Variants in SRGAP2C observed in about 807,000 individuals in gnomAD.
SRGAP2C encodes the protein SLIT-ROBO Rho GTPase activating protein 2C, also known as SLIT-ROBO Rho GTPase-activating protein 2C.
In SRGAP2C, 15 loss-of-function variants were observed where a neutral mutation model predicts 25.1. That is an observed-to-expected ratio of 0.60 (90% CI 0.40 to 0.92). The LOEUF (loss-of-function observed/expected upper bound fraction) is 0.92. Ranked by LOEUF, SRGAP2C falls within the 40% of genes least tolerant of loss-of-function variation. SRGAP2C has a pLI of 0.00. For synonymous variants in SRGAP2C, 44 were observed against 96.6 expected (o/e 0.46, Z 3.19); for missense variants, 144 against 264.4 (o/e 0.54, Z 3.16).
intron 3 of SRGAP2C, among the ~76,000 whole-genome samples, chr1:121,304,892 A>G (rs1302053485): frequency 6.6e-6 from 1 of 151,904 alleles, no homozygotes; most frequent in Non-Finnish European, 1.5e-5. Flanking sequence ...CCTCTCCGGA[A>G]TGGGGTCTTG....
chr1:121,298,258 A>G (rs1657638483), intron 3 of SRGAP2C, among the ~76,000 whole-genome samples: 1 of 151,938 alleles, frequency 6.6e-6, no homozygotes, highest in African/African-American at 2.4e-5. Context: ...ATAATCATGA[A>G]GAGGAAGACA....
chr1:121,218,766 G>A (rs1291594542), intron 2 of SRGAP2C, among the ~76,000 whole-genome samples: 6 of 151,924 alleles, frequency 3.9e-5, no homozygotes, highest in Non-Finnish European at 7.4e-5. Flanking sequence ...AAAAAAAAGT[G>A]AATGTACACG....
intron 5 of SRGAP2C, among the ~76,000 whole-genome samples, chr1:121,372,259 A>AC (rs1467096496): frequency 1.2e-4 from 18 of 152,136 alleles, no homozygotes; most frequent in Non-Finnish European, 2.5e-4. Flanking sequence ...AGATTAGTAT[A>AC]CCCACAAAGT....
chr1:121,378,758 A>G (rs1159081318), intron 7 of SRGAP2C, among the ~76,000 whole-genome samples: 7 of 152,050 alleles, frequency 4.6e-5, no homozygotes, highest in South Asian at 2.1e-4. Flanking sequence ...TCTGAAGCCA[A>G]ATGTGTGCAT....
chr1:121,327,644 CT>C (rs1371927404), intron 4 of SRGAP2C, among the ~76,000 whole-genome samples: 1 of 149,458 alleles, frequency 6.7e-6, no homozygotes, highest in Non-Finnish European at 1.5e-5. Flanking sequence ...AACAAACATT[CT>C]TCATACCACA....
chr1:121,345,686 C>G (rs1402966058), intron 4 of SRGAP2C, among the ~76,000 whole-genome samples: 2 of 105,678 alleles, frequency 1.9e-5, no homozygotes, highest in East Asian at 3.1e-4. Context: ...GAGTTTTGCT[C>G]TTGTTGCCCA....
At chr1:121,271,533 G>A (rs1364417446) in intron 2 of SRGAP2C, among the ~76,000 whole-genome samples, 1 of 151,756 alleles carries the variant, frequency 6.6e-6, no homozygotes, top group African/African-American at 2.4e-5. Context: ...AGAAGGAGCT[G>A]AGTGGTTTGA....
intron 4 of SRGAP2C, among the ~76,000 whole-genome samples, chr1:121,345,692 G>T (rs1658727071): frequency 1.1e-5 from 1 of 94,072 alleles, no homozygotes. Context: ...TGCTCTTGTT[G>T]CCCAGGCTGG....
intron 2 of SRGAP2C, among the ~76,000 whole-genome samples, chr1:121,210,312 C>A (rs1482654441): frequency 1.2e-5 from 1 of 83,684 alleles, no homozygotes; most frequent in African/African-American, 5.8e-5. Context: ...ATTCCATCAG[C>A]GCTTTAAAAA....
intron 2 of SRGAP2C, among the ~76,000 whole-genome samples, chr1:121,207,928 A>G (rs1315106962): frequency 2.6e-5 from 4 of 152,190 alleles, no homozygotes; most frequent in South Asian, 2.1e-4. Flanking sequence ...GTTTGGTAGA[A>G]AAAAGACCAC....
intron 2 of SRGAP2C, among the ~76,000 whole-genome samples, chr1:121,261,157 G>A (rs1474283747): frequency 1.9e-4 from 9 of 47,506 alleles, no homozygotes; most frequent in East Asian, 1.7e-3. Flanking sequence ...TGCCCAGGCT[G>A]GTCTCGAACC....
chr1:121,370,929 T>G (rs868965007), intron 5 of SRGAP2C, among the ~76,000 whole-genome samples: 2 of 151,496 alleles, frequency 1.3e-5, no homozygotes, highest in Middle Eastern at 3.4e-3. Context: ...TTCCATTCTT[T>G]TTGTTTTTCT....
chr1:121,294,680 T>C (rs1443429572), intron 3 of SRGAP2C, among the ~76,000 whole-genome samples: 1 of 123,566 alleles, frequency 8.1e-6, no homozygotes, highest in Non-Finnish European at 1.7e-5. Context: ...TAGCTCATTT[T>C]TTTAGGTAGC....
At chr1:121,196,643 C>T (rs1570696713) in intron 2 of SRGAP2C, among the ~76,000 whole-genome samples, 1 of 78,924 alleles carries the variant, frequency 1.3e-5, no homozygotes. Flanking sequence ...TTCCAAGCCT[C>T]CTTTTCTGTG....
chr1:121,286,343 C>A (rs1397311213), intron 3 of SRGAP2C, among the ~76,000 whole-genome samples: 1 of 147,142 alleles, frequency 6.8e-6, no homozygotes, highest in African/African-American at 2.5e-5. Flanking sequence ...AACTCTTGGG[C>A]TCTAGTGATC....
At chr1:121,307,243 G>A (rs1415853429) in intron 3 of SRGAP2C, among the ~76,000 whole-genome samples, 1 of 145,380 alleles carries the variant, frequency 6.9e-6, no homozygotes, top group East Asian at 2.0e-4. Flanking sequence ...GGGAATGCAG[G>A]TGTGAGGCAC....
intron 2 of SRGAP2C, among the ~76,000 whole-genome samples, chr1:121,229,018 A>C (rs1655752335): frequency 6.6e-6 from 1 of 150,620 alleles, no homozygotes; most frequent in African/African-American, 2.5e-5. Flanking sequence ...GAGGGGGCTG[A>C]AATCATTTGT....
Position 121,277,349 on chromosome 1 carries a change from A to T in SRGAP2C, c.68-7454A>T, listed in dbSNP as rs1360197805. 7.2e-5 allele frequency among the ~76,000 whole-genome samples: 11 copies of T among 151,996 alleles called. 1 individual carries two copies. Among genetic ancestry groups the T allele is most frequent in the Non-Finnish European group, 1.2e-4 (8 of 67,948 alleles). On this transcript the variant is annotated intron_variant, in intron 2 of 9. Transcript: ENST00000367123. ...CTTTATCCATTACCGCCCCTTTGCA[A>T]GGGACCAAAAATCCAAGGCAAAGTG...
chr1:121,362,412 G>A (rs1362508606), intron 4 of SRGAP2C, among the ~76,000 whole-genome samples: 1 of 152,080 alleles, frequency 6.6e-6, no homozygotes, highest in Non-Finnish European at 1.5e-5. Context: ...AGGGATAATA[G>A]TTGAGTGGTC....
Sources: gnomAD v4.1 joint callset for allele counts (sites outside exome capture counted in the v4.1 genomes callset) on GRCh38, gnomAD v4.1.1 for gene constraint, MANE v1.5 for transcripts, NCBI Gene and HGNC (gene_info 2026-07-23, HGNC 2026-07-21) for gene names.